Variants in RBFOX3 observed in about 807,000 individuals in gnomAD.
The protein encoded by RBFOX3 is RNA binding fox-1 homolog 3.
In RBFOX3, 17 loss-of-function variants were observed where a neutral mutation model predicts 48.7. The observed-to-expected ratio is 0.35, with a 90% confidence interval of 0.24 to 0.52. The LOEUF (loss-of-function observed/expected upper bound fraction) is 0.52. Among genes scored for constraint, RBFOX3 ranks in the 20% least tolerant of loss-of-function variants. The pLI, the probability that RBFOX3 is intolerant of heterozygous loss-of-function variation, is 0.94. For synonymous variants in RBFOX3, 212 were observed against 209.5 expected, an observed-to-expected ratio of 1.01 and a Z score of -0.10; for missense variants, 382 against 497.5, an observed-to-expected ratio of 0.77 and a Z score of 2.21.
intron 2 of RBFOX3, among the ~76,000 whole-genome samples, chr17:79,382,945 T>C (rs1462346344): frequency 1.3e-5 from 2 of 152,074 alleles, no homozygotes; most frequent in African/African-American, 4.8e-5. Flanking sequence ...GGTTTAAATT[T>C]TCTTAACGAT....
intron 4 of RBFOX3, among the ~76,000 whole-genome samples, chr17:79,181,297 C>G (rs2051874236): frequency 6.6e-6 from 1 of 152,234 alleles, no homozygotes; most frequent in South Asian, 2.1e-4. Flanking sequence ...CTGCCTGGGA[C>G]ATTCCTGCCA....
intron 3 of RBFOX3, among the ~76,000 whole-genome samples, chr17:79,256,008 G>A (rs1374627005): frequency 6.6e-6 from 1 of 151,702 alleles, no homozygotes; most frequent in Admixed American, 6.6e-5. Context: ...AAAATGCCTG[G>A]TCATAGTCCT....
chr17:79,613,181 C>A (rs1350489106), upstream of RBFOX3, among the ~76,000 whole-genome samples: 2 of 152,240 alleles, frequency 1.3e-5, no homozygotes, highest in African/African-American at 4.8e-5. Flanking sequence ...CTGAAGACAG[C>A]ACCAAATCTT....
intron 4 of RBFOX3, among the ~76,000 whole-genome samples, chr17:79,215,043 G>C (rs1295029967): frequency 6.6e-6 from 1 of 152,144 alleles, no homozygotes; most frequent in Admixed American, 6.5e-5. Flanking sequence ...TTGGGGGAGT[G>C]ACATGAGCCC....
intron 1 of RBFOX3, among the ~76,000 whole-genome samples, chr17:79,548,003 C>T (rs115005902): frequency 1.3e-5 from 2 of 152,258 alleles, no homozygotes; most frequent in African/African-American, 2.4e-5. Flanking sequence ...CCTCCTCACC[C>T]TATCCTGGAC....
intron 1 of RBFOX3, among the ~76,000 whole-genome samples, chr17:79,562,201 G>A (rs2092265592): frequency 3.9e-5 from 6 of 152,164 alleles, no homozygotes. Flanking sequence ...TGCCTGCAAG[G>A]AATAGCATGC....
At chr17:79,628,783 T>C in the RBFOX3 span, among the ~76,000 whole-genome samples, 1 of 152,046 alleles carries the variant, frequency 6.6e-6, no homozygotes, top group African/African-American at 2.4e-5. Context: ...AAAGGCAGAT[T>C]GTCTATTTGA....
At chr17:79,542,376 G>A (rs979226267) in intron 1 of RBFOX3, among the ~76,000 whole-genome samples, 3 of 152,158 alleles carry the variant, frequency 2.0e-5, no homozygotes, top group Non-Finnish European at 2.9e-5. Flanking sequence ...CTAGTGGGGC[G>A]GCTCCCTAGT....
At chr17:79,375,089 A>T (rs868133) in intron 2 of RBFOX3, among the ~76,000 whole-genome samples, 12,342 of 152,200 alleles carry the variant, frequency 0.081, 1,634 homozygotes, top group African/African-American at 0.28. Context: ...GGTCCCTGCC[A>T]TTGAATGACA....
Position 79,299,153 on chromosome 17 carries a change from G to A in RBFOX3, c.-74+8571C>T, listed in dbSNP as rs751119676. Among the ~76,000 whole-genome samples the A allele has an allele frequency of 1.6e-4, 6 of 38,524 alleles. No homozygotes were observed. Among genetic ancestry groups the A allele is most frequent in the African/African-American group, 6.6e-4 (6 of 9,036 alleles). The allele number at this position is 38,524 out of a possible 152,430, so 25.3% of individuals were successfully genotyped here. On this transcript the variant is annotated intron_variant, in intron 3 of 14. Transcript: ENST00000693108. The surrounding 1 kb of genome is among the most constrained non-coding windows in gnomAD (Gnocchi z 4.5). ...AGGCCAGGTGTGGTATCTCGGTGCT[G>A]GCAAAACAGAGGCCAGAGAGGGTGG... is the stretch of plus-strand genomic sequence containing the variant.
Position 79,214,397 on chromosome 17 carries a change from C to T in RBFOX3, c.-34+21369G>A, listed in dbSNP as rs1245426627. On this transcript the variant is annotated intron_variant, in intron 4 of 14. Coordinates refer to ENST00000693108, the MANE Select transcript of RBFOX3 (RefSeq NM_001350451.2). The surrounding 1 kb of genome is among the most constrained non-coding windows in gnomAD (Gnocchi z 4.7). ...AGACAAGCCCTCCCGCCCGCAGGTC[C>T]AGCAACCAGGGAGGGTGGGGGCTCT... Among the ~76,000 whole-genome samples the T allele has an allele frequency of 6.6e-6, 1 of 152,184 alleles. No homozygotes were observed. The highest frequency in any genetic ancestry group is 2.4e-5 in the African/African-American group (1 of 41,450).
chr17:79,101,243 G>A (rs2076375408), intron 9 of RBFOX3, among the ~76,000 whole-genome samples: 1 of 152,192 alleles, frequency 6.6e-6, no homozygotes, highest in African/African-American at 2.4e-5. Flanking sequence ...CTCTGGCCCT[G>A]GGGGAAAGTC....
intron 3 of RBFOX3, among the ~76,000 whole-genome samples, chr17:79,301,393 G>A (rs1456777691): frequency 6.6e-6 from 1 of 152,232 alleles, no homozygotes; most frequent in Non-Finnish European, 1.5e-5. Context: ...GCCTTGTGCA[G>A]CACCAGCGGG....
chr17:79,191,383 T>A (rs1278371673), intron 4 of RBFOX3, among the ~76,000 whole-genome samples: 1 of 152,132 alleles, frequency 6.6e-6, no homozygotes, highest in East Asian at 1.9e-4. Flanking sequence ...CAGCACTCAG[T>A]GAGTTAAAAA....
chr17:79,618,646 T>C, the RBFOX3 span, among the ~76,000 whole-genome samples: 1 of 152,048 alleles, frequency 6.6e-6, no homozygotes, highest in Non-Finnish European at 1.5e-5. Flanking sequence ...TCTGGACAAA[T>C]GGATTTTCCG....
rs2086354556 is a variant in RBFOX3, at chr17:79,361,542, G to C, written c.-174-53718C>G. On this transcript the variant is annotated intron_variant, in intron 2 of 14. Coordinates refer to ENST00000693108, the MANE Select transcript of RBFOX3 (RefSeq NM_001350451.2). The surrounding 1 kb of genome is among the most constrained non-coding windows in gnomAD (Gnocchi z 4.5). ...CGCGTGGCTCTCTGTGCCACAGCTG[G>C]AGAGGGCCCAGCTGATCAGCAGCTC... is the stretch of plus-strand genomic sequence containing the variant. Among the ~76,000 whole-genome samples, 1 of 152,200 alleles carries C rather than the reference G, an allele frequency of 6.6e-6. No individual in the cohort carries two copies. Among genetic ancestry groups the C allele is most frequent in the Non-Finnish European group, 1.5e-5 (1 of 68,028 alleles).
At chr17:79,638,026 TA>T in the RBFOX3 span, among the ~76,000 whole-genome samples, 1 of 109,738 alleles carries the variant, frequency 9.1e-6, no homozygotes, top group Non-Finnish European at 2.0e-5. Context: ...AAGGGAATTT[TA>T]AAAATATCTC....
chr17:79,537,775 G>A (rs1440123959), intron 1 of RBFOX3, among the ~76,000 whole-genome samples: 2 of 152,136 alleles, frequency 1.3e-5, no homozygotes, highest in African/African-American at 2.4e-5. Context: ...TCAAATTGAG[G>A]AGGTGAGTCC....
intron 6 of RBFOX3, 64 bp downstream of exon 6, chr17:79,106,579 AGGGCCTGT>A: frequency 1.4e-6 from 2 of 1,388,832 alleles, no homozygotes; most frequent in Non-Finnish European, 1.9e-6. Context: ...GCAGGAAGGC[AGGGCCTGT>A]GGGCGCCACC....
Sources: allele counts gnomAD v4.1 joint callset (sites outside exome capture counted in the v4.1 genomes callset), GRCh38; gene constraint gnomAD v4.1.1; non-coding constraint Gnocchi (gnomAD v3.1); transcripts MANE v1.5; gene names NCBI Gene and HGNC (gene_info 2026-07-23, HGNC 2026-07-21).